The following SMPD3 variants were observed in gnomAD, a reference collection of about 807,000 sequenced individuals.
The protein encoded by SMPD3 is sphingomyelin phosphodiesterase 3.
In SMPD3, 21 loss-of-function variants were observed where a neutral mutation model predicts 55.7. The ratio of observed to expected loss-of-function variants is 0.38; its 90% CI spans 0.27 to 0.54. The LOEUF is 0.54. Ranked by LOEUF, SMPD3 falls within the 20% of genes least tolerant of loss-of-function variation. The pLI, the probability that SMPD3 is intolerant of heterozygous loss-of-function variation, is 0.80. For missense variants in SMPD3, 842 were observed against 899.6 expected, an observed-to-expected ratio of 0.94 and a Z score of 0.82; for synonymous variants, 457 against 404.3, an observed-to-expected ratio of 1.13 and a Z score of -1.56.
intron 3 of SMPD3, chr16:68,369,878 G>A (rs999518390): frequency 6.6e-6 from 1 of 152,260 alleles, no homozygotes; most frequent in Non-Finnish European, 1.5e-5. Flanking sequence ...CAGGCGGAGT[G>A]TGGTTGCTTC....
intron 1 of SMPD3, among the ~76,000 whole-genome samples, chr16:68,444,194 T>C (rs1218999891): frequency 6.6e-6 from 1 of 152,244 alleles, no homozygotes; most frequent in African/African-American, 2.4e-5. Flanking sequence ...CTCTTGCTTC[T>C]GGTCCACACC....
At chr16:68,413,216 C>T (rs983256243) in intron 1 of SMPD3, among the ~76,000 whole-genome samples, 7 of 152,238 alleles carry the variant, frequency 4.6e-5, no homozygotes, top group African/African-American at 1.7e-4. Flanking sequence ...CATCAGCTCA[C>T]TGTGGGGACC....
At chr16:68,390,066 G>A (rs777108078) in intron 1 of SMPD3, among the ~76,000 whole-genome samples, 1 of 152,222 alleles carries the variant, frequency 6.6e-6, no homozygotes, top group African/African-American at 2.4e-5. Flanking sequence ...TTCCAGGAAG[G>A]GGGTGGGCAA....
At chr16:68,389,616 C>G (rs1407986226) in intron 1 of SMPD3, among the ~76,000 whole-genome samples, 1 of 152,160 alleles carries the variant, frequency 6.6e-6, no homozygotes, top group Non-Finnish European at 1.5e-5. Context: ...GGGCCAGGTA[C>G]CTTCGATGAG....
intron 1 of SMPD3, among the ~76,000 whole-genome samples, chr16:68,390,024 G>A (rs181106633): frequency 3.9e-5 from 6 of 152,310 alleles, no homozygotes; most frequent in African/African-American, 9.6e-5. Context: ...TCTTGATCGT[G>A]TGCTAAACGA....
At chr16:68,439,797 C>G (rs1319148158) in intron 1 of SMPD3, among the ~76,000 whole-genome samples, 1 of 152,178 alleles carries the variant, frequency 6.6e-6, no homozygotes, top group African/African-American at 2.4e-5. Flanking sequence ...CAGAGCTATG[C>G]AGTGAATGGA....
chr16:68,371,951 A>G lies in SMPD3; in HGVS notation c.231T>C (p.Phe77=). 6.2e-7 allele frequency: 1 copy of G among 1,612,198 alleles called. No homozygotes were observed. The highest frequency in any genetic ancestry group is 1.1e-5 in the South Asian group (1 of 90,562). The change falls in exon 3 of 9, where the codon TTT becomes TTC. Residue 77 remains phenylalanine, a synonymous_variant. Coordinates refer to ENST00000219334, the MANE Select transcript of SMPD3 (RefSeq NM_018667.4). ...ACCAGAAGAGAAAGCCGAGAAACGCAAAGGGCAGCGAGGCCACCAGGAGGG... is the reference window on the plus strand; with the variant it reads ...ACCAGAAGAGAAAGCCGAGAAACGCGAAGGGCAGCGAGGCCACCAGGAGGG... ...YLALLVASLP[F]AFLGFLFWSP...
At position 68,360,985 on chromosome 16, in the gene SMPD3, G is replaced by A. The variant is rs1158456194; in HGVS notation, c.*221C>T. On this transcript the variant is annotated 3_prime_UTR_variant, in exon 9 of 9. Transcript: ENST00000219334. ...ATCGTGTTGTGAAAGAATGGCACTG[G>A]TTAGGCAGCTGGAGGCTCCTGGGGC... 3 of 553,638 alleles carry A rather than the reference G, an allele frequency of 5.4e-6. No homozygotes were observed. The South Asian group carries it at 6.9e-5, about 13-fold the overall frequency. 34.3% of individuals were successfully genotyped at this position (553,638 alleles called of 1,614,324 possible).
At chr16:68,435,669 C>T (rs557641046) in intron 1 of SMPD3, among the ~76,000 whole-genome samples, 1 of 152,310 alleles carries the variant, frequency 6.6e-6, no homozygotes, top group South Asian at 2.1e-4. Flanking sequence ...CAAGAAGGGC[C>T]TCATCTTCTG....
rs2090137001 is a variant in SMPD3, at chr16:68,394,301, T to C, written c.-268-7642A>G. Among the ~76,000 whole-genome samples, 4 of 152,236 alleles carry C rather than the reference T, an allele frequency of 2.6e-5. No homozygotes were observed. In the South Asian group the frequency reaches 8.3e-4, roughly 31 times the overall value. ...TGTTTTCTTTGTCTACATTTTAGGT[T>C]TCATGTCTTACCTTATCCTCAACAT... On this transcript the variant is annotated intron_variant, in intron 1 of 8. Coordinates refer to ENST00000219334, the MANE Select transcript of SMPD3 (RefSeq NM_018667.4).
At chr16:68,430,887 T>G (rs188349283) in intron 1 of SMPD3, among the ~76,000 whole-genome samples, 1 of 152,346 alleles carries the variant, frequency 6.6e-6, no homozygotes, top group East Asian at 1.9e-4. Context: ...GGCTGCAGAA[T>G]GTCGTGTCAA....
In SMPD3 at chr16:68,371,017, C is replaced by CAGGAGGG. The variant is rs1567783235; in HGVS notation, c.1164_1165insCCCTCCT (p.Val389ProfsTer42). On this transcript the variant is annotated frameshift_variant, in exon 3 of 9. Transcript: ENST00000219334. LOFTEE classifies it high-confidence loss of function. ...CAGCCCTGGCAGCCGTAGACCCCGACGTCGTACAGGATGTACTCGAAGTAG... is the reference window on the plus strand; with the variant it reads ...CAGCCCTGGCAGCCGTAGACCCCGACAGGAGGGGTCGTACAGGATGTACTCGAAGTAG... The CAGGAGGG allele has an allele frequency of 6.2e-7, 1 of 1,614,202 alleles. No homozygotes were observed. The highest frequency in any genetic ancestry group is 8.5e-7 in the Non-Finnish European group (1 of 1,180,044).
chr16:68,373,104 A>G (rs1423120632), intron 2 of SMPD3, among the ~76,000 whole-genome samples: 1 of 152,216 alleles, frequency 6.6e-6, no homozygotes, highest in Non-Finnish European at 1.5e-5. Flanking sequence ...TTCCAGAACC[A>G]TCAGAGTTCC....
At chr16:68,376,394 C>T (rs534072354) in intron 2 of SMPD3, among the ~76,000 whole-genome samples, 7 of 152,220 alleles carry the variant, frequency 4.6e-5, no homozygotes, top group Non-Finnish European at 1.0e-4. Flanking sequence ...CTCCATGCCC[C>T]CGCTCTCTGC....
chr16:68,399,442 G>A (rs1272880613), intron 1 of SMPD3, among the ~76,000 whole-genome samples: 1 of 152,232 alleles, frequency 6.6e-6, no homozygotes, highest in Non-Finnish European at 1.5e-5. Context: ...GGCCTTGGAT[G>A]TAAAGAGAAC....
intron 1 of SMPD3, among the ~76,000 whole-genome samples, chr16:68,414,403 A>G (rs1019776783): frequency 7.2e-5 from 11 of 152,262 alleles, no homozygotes; most frequent in South Asian, 4.1e-4. Context: ...CCCGGGCTCA[A>G]TTATGTGCAG....
intron 1 of SMPD3, among the ~76,000 whole-genome samples, chr16:68,399,191 G>A (rs2090185760): frequency 6.6e-6 from 1 of 152,168 alleles, no homozygotes; most frequent in Non-Finnish European, 1.5e-5. Context: ...TGGGCTTGGG[G>A]GGAGGTCACT....
intron 1 of SMPD3, among the ~76,000 whole-genome samples, chr16:68,444,454 GC>G (rs1178441634): frequency 1.3e-5 from 2 of 152,184 alleles, no homozygotes; most frequent in Admixed American, 6.5e-5. Context: ...TTTCTAAGGA[GC>G]CTCTCAGAAC....
intron 3 of SMPD3, among the ~76,000 whole-genome samples, chr16:68,365,712 AC>A (rs1394560025): frequency 6.6e-6 from 1 of 151,896 alleles, no homozygotes; most frequent in Admixed American, 6.5e-5. Context: ...GCCCCTGCAC[AC>A]CCCTGGCTCC....
Sources: gnomAD v4.1 joint callset for allele counts (sites outside exome capture counted in the v4.1 genomes callset) on GRCh38, gnomAD v4.1.1 for gene constraint, MANE v1.5 for transcripts, NCBI Gene and HGNC (gene_info 2026-07-23, HGNC 2026-07-21) for gene names.